Variants in ZNF385B observed in about 807,000 individuals in gnomAD.
ZNF385B encodes the protein zinc finger protein 533.
In ZNF385B, 23 loss-of-function variants were observed where a neutral mutation model predicts 39.2. That is an observed-to-expected ratio of 0.59 (90% CI 0.42 to 0.83). The LOEUF (loss-of-function observed/expected upper bound fraction) is 0.83, where lower values mean the gene tolerates loss of function less well. ZNF385B is among the 40% of genes least tolerant of loss of function. The pLI is 0.00. For missense variants in ZNF385B, 552 were observed against 598.9 expected (o/e 0.92, Z 0.82); for synonymous variants, 205 against 222.6 (o/e 0.92, Z 0.70).
intron 3 of ZNF385B, among the ~76,000 whole-genome samples, chr2:179,675,655 A>G (rs1696654917): frequency 6.6e-6 from 1 of 152,156 alleles, no homozygotes; most frequent in African/African-American, 2.4e-5. Context: ...AAGGGCAGGT[A>G]TAAGGGCCTG....
At chr2:179,549,332 A>T (rs940450198) in intron 3 of ZNF385B, among the ~76,000 whole-genome samples, 8 of 149,562 alleles carry the variant, frequency 5.3e-5, no homozygotes, top group Non-Finnish European at 8.9e-5. Context: ...GTATATACTT[A>T]GGTGTCAAAT....
intron 3 of ZNF385B, among the ~76,000 whole-genome samples, chr2:179,588,277 A>G (rs563230840): frequency 1.3e-5 from 2 of 152,098 alleles, no homozygotes; most frequent in South Asian, 4.2e-4. Flanking sequence ...TTTAGCAGAG[A>G]CGGCGTTTCA....
At chr2:179,500,940 T>C (rs1259339363) in intron 5 of ZNF385B, among the ~76,000 whole-genome samples, 1 of 152,136 alleles carries the variant, frequency 6.6e-6, no homozygotes, top group Non-Finnish European at 1.5e-5. Flanking sequence ...AAGATTTGAA[T>C]AGACATTTCT....
chr2:179,719,433 G>C (rs1203213153), intron 3 of ZNF385B, among the ~76,000 whole-genome samples: 1 of 151,994 alleles, frequency 6.6e-6, no homozygotes, highest in Non-Finnish European at 1.5e-5. Context: ...CTCCCTCTTT[G>C]TAAGCTGACA....
At chr2:179,514,575 G>T (rs2057945394) in intron 5 of ZNF385B, among the ~76,000 whole-genome samples, 1 of 152,154 alleles carries the variant, frequency 6.6e-6, no homozygotes, top group Non-Finnish European at 1.5e-5. Context: ...CATAAAAAAT[G>T]CAAGGCAAAG....
chr2:179,770,871 G>T (rs1703973610), intron 1 of ZNF385B, among the ~76,000 whole-genome samples, 199 bp from the exon 2 acceptor site: 1 of 152,058 alleles, frequency 6.6e-6, no homozygotes, highest in Non-Finnish European at 1.5e-5. Flanking sequence ...GATGAAGATT[G>T]CCTTGCCATT....
At position 179,522,982 on chromosome 2, in the gene ZNF385B, T is replaced by A. The variant is rs76794082; in HGVS notation, c.442-4344A>T. 2.5e-3 allele frequency: 927 copies of A among 377,332 alleles called. 9 individuals carry two copies. Among genetic ancestry groups the A allele is most frequent in the African/African-American group, 0.019 (853 of 45,916 alleles). 23.4% of individuals were successfully genotyped at this position (377,332 alleles called of 1,614,324 possible). On this transcript the variant is annotated intron_variant, in intron 4 of 9. Coordinates refer to ENST00000410066, the MANE Select transcript of ZNF385B (RefSeq NM_152520.6). ...TTTGAGGCTAGGAAGCACAATTACA[T>A]GAAAATTTAAAGACCCATTTTCCTT...
chr2:179,494,866 G>T (rs978677880), intron 5 of ZNF385B, among the ~76,000 whole-genome samples: 1 of 152,160 alleles, frequency 6.6e-6, no homozygotes, highest in South Asian at 2.1e-4. Flanking sequence ...AGGTTTTAAA[G>T]ATATTTCATA....
intron 1 of ZNF385B, among the ~76,000 whole-genome samples, chr2:179,810,630 T>C (rs897744367): frequency 1.3e-5 from 2 of 151,952 alleles, no homozygotes; most frequent in Non-Finnish European, 1.5e-5. Flanking sequence ...CTACAAAATA[T>C]CTTATTCTAT....
intron 6 of ZNF385B, among the ~76,000 whole-genome samples, chr2:179,450,523 A>G (rs2050007733): frequency 6.6e-6 from 1 of 152,266 alleles, no homozygotes; most frequent in Non-Finnish European, 1.5e-5. Context: ...TGGCCATCAG[A>G]GAAATGCAAA....
At chr2:179,754,021 G>A (rs1276637784) in intron 3 of ZNF385B, among the ~76,000 whole-genome samples, 3 of 152,148 alleles carry the variant, frequency 2.0e-5, no homozygotes, top group Admixed American at 6.6e-5. Context: ...AGTTTTCAAA[G>A]GGAATGCTTC....
intron 3 of ZNF385B, among the ~76,000 whole-genome samples, chr2:179,753,284 T>A (rs356409): frequency 6.6e-6 from 1 of 152,138 alleles, no homozygotes; most frequent in Admixed American, 6.5e-5. Flanking sequence ...TTCTGTTCCA[T>A]TGGTCTATAT....
rs1386943440 is a variant in ZNF385B, at chr2:179,546,297, A to G, written c.299-1328T>C. On this transcript the variant is annotated intron_variant, in intron 3 of 9. Coordinates refer to ENST00000410066, the MANE Select transcript of ZNF385B (RefSeq NM_152520.6). ...AGCAACCCATCAGTCTCGACCTCCC[A>G]AAGTGCTGGAATTACAGGTGTGAGC... Among the ~76,000 whole-genome samples, 4 of 152,218 alleles carry G rather than the reference A, an allele frequency of 2.6e-5. No homozygotes were observed. The East Asian group carries it at 7.7e-4, about 29-fold the overall frequency.
At chr2:179,735,642 A>T (rs1282933569) in intron 3 of ZNF385B, among the ~76,000 whole-genome samples, 14 of 149,782 alleles carry the variant, frequency 9.3e-5, no homozygotes, top group Non-Finnish European at 1.5e-5. Flanking sequence ...CAAATGTCCA[A>T]CAATGATAGA....
At chr2:179,803,127 C>T (rs1368205357) in intron 1 of ZNF385B, among the ~76,000 whole-genome samples, 2 of 152,018 alleles carry the variant, frequency 1.3e-5, no homozygotes, top group South Asian at 2.1e-4. Context: ...AGTAACTTGC[C>T]CAAAGTCATA....
chr2:179,709,969 C>T (rs1334348111), intron 3 of ZNF385B, among the ~76,000 whole-genome samples: 1 of 152,192 alleles, frequency 6.6e-6, no homozygotes, highest in Non-Finnish European at 1.5e-5. Flanking sequence ...TCAACAGTAA[C>T]CAGGGCTCAC....
intron 6 of ZNF385B, among the ~76,000 whole-genome samples, chr2:179,453,659 T>G (rs2050378607): frequency 6.6e-6 from 1 of 152,194 alleles, no homozygotes; most frequent in South Asian, 2.1e-4. Context: ...AATCTCAGTT[T>G]GGCATAACAA....
At chr2:179,684,879 CA>C (rs1162508506) in intron 3 of ZNF385B, among the ~76,000 whole-genome samples, 5 of 152,152 alleles carry the variant, frequency 3.3e-5, no homozygotes, top group African/African-American at 1.2e-4. Context: ...AAATTTTAGG[CA>C]CTTTAAGTGA....
chr2:179,563,982 T>C (rs1684249446), intron 3 of ZNF385B, among the ~76,000 whole-genome samples: 1 of 152,222 alleles, frequency 6.6e-6, no homozygotes, highest in South Asian at 2.1e-4. Flanking sequence ...TCTGGAATAC[T>C]AGTGCATCCT....
Sources: gnomAD v4.1 joint callset for allele counts (sites outside exome capture counted in the v4.1 genomes callset) on GRCh38, gnomAD v4.1.1 for gene constraint, MANE v1.5 for transcripts, NCBI Gene and HGNC (gene_info 2026-07-23, HGNC 2026-07-21) for gene names.